The following EPHA6 variants were observed in gnomAD, a reference collection of about 807,000 sequenced individuals.
The protein encoded by EPHA6 is EPH receptor A6.
EPHA6 carries 50 observed loss-of-function variants against 112.0 expected under a neutral mutation model. The observed-to-expected ratio is 0.45, with a 90% CI of 0.36 to 0.56. EPHA6 has a LOEUF of 0.56. Among genes scored for constraint, EPHA6 ranks in the 20% least tolerant of loss-of-function variants. The pLI is 0.00. For synonymous variants in EPHA6, 529 were observed against 490.7 expected (o/e 1.08, Z -1.03); for missense variants, 1,280 against 1,417.4 (o/e 0.90, Z 1.56).
chr3:97,378,551 C>T (rs944213566), intron 5 of EPHA6, among the ~76,000 whole-genome samples: 43 of 152,246 alleles, frequency 2.8e-4, no homozygotes, highest in African/African-American at 9.9e-4. Flanking sequence ...TGCAGACACT[C>T]AATGCCAGCC....
intron 6 of EPHA6, among the ~76,000 whole-genome samples, chr3:97,423,111 T>C (rs1251355142): frequency 2.6e-5 from 4 of 152,184 alleles, no homozygotes; most frequent in Non-Finnish European, 4.4e-5. Flanking sequence ...GGATGCCTAC[T>C]CTAACCATGC....
In EPHA6 at chr3:96,856,464, A is replaced by G. The variant is rs2035705461; in HGVS notation, c.386-10361A>G. On this transcript the variant is annotated intron_variant, in intron 1 of 17. Coordinates refer to ENST00000389672, the MANE Select transcript of EPHA6 (RefSeq NM_001080448.3). The stretch of plus-strand genomic sequence containing the variant: ...GTTTATAAATCAAGTGAATCTACAG[A>G]TAGAACTATTTTTCTTTCCAAAAAA... 2.0e-5 allele frequency among the ~76,000 whole-genome samples: 3 copies of G among 152,300 alleles called. No homozygotes were observed. The South Asian group carries it at 6.2e-4, about 32-fold the overall frequency.
intron 3 of EPHA6, among the ~76,000 whole-genome samples, chr3:97,111,192 A>G (rs952979029): frequency 6.6e-6 from 1 of 152,312 alleles, no homozygotes; most frequent in East Asian, 1.9e-4. Context: ...ATTTTCAACA[A>G]CAACAGTAAT....
intron 13 of EPHA6, among the ~76,000 whole-genome samples, chr3:97,624,301 GGA>G (rs1446297010): frequency 1.3e-5 from 2 of 151,582 alleles, no homozygotes; most frequent in Non-Finnish European, 3.0e-5. Context: ...AGATCATTGT[GGA>G]GATCTTCCCC....
At chr3:97,145,123 A>G (rs999484537) in intron 3 of EPHA6, among the ~76,000 whole-genome samples, 5 of 151,494 alleles carry the variant, frequency 3.3e-5, no homozygotes, top group African/African-American at 4.8e-5. Context: ...TAGAGTAAAA[A>G]AAATCCCTTT....
At chr3:97,010,061 AC>A (rs1337082613) in intron 3 of EPHA6, 3 of 1,294,178 alleles carry the variant, frequency 2.3e-6, no homozygotes, top group Non-Finnish European at 3.0e-6. Flanking sequence ...CGAAACAGTA[AC>A]CTTTGAAGAA....
chr3:96,817,370 G>A (rs563325687), intron 1 of EPHA6, among the ~76,000 whole-genome samples: 26 of 151,662 alleles, frequency 1.7e-4, no homozygotes, highest in Non-Finnish European at 2.8e-4. Context: ...TTCCTTACTC[G>A]TAGTTTCATA....
At chr3:97,109,256 C>A (rs753126832) in intron 3 of EPHA6, among the ~76,000 whole-genome samples, 2 of 152,140 alleles carry the variant, frequency 1.3e-5, no homozygotes, top group Non-Finnish European at 2.9e-5. Flanking sequence ...CCTTGTAAAA[C>A]ATGTAAATGG....
At chr3:96,870,018 T>C (rs183046465) in intron 2 of EPHA6, among the ~76,000 whole-genome samples, 1 of 152,234 alleles carries the variant, frequency 6.6e-6, no homozygotes, top group East Asian at 1.9e-4. Context: ...TGATCTTATC[T>C]GTTGGACATA....
intron 3 of EPHA6, among the ~76,000 whole-genome samples, chr3:97,145,079 G>A (rs939890710): frequency 9.9e-5 from 15 of 151,202 alleles, no homozygotes; most frequent in African/African-American, 7.3e-5. Flanking sequence ...TTGCATATCC[G>A]TGTCTGTGTA....
chr3:97,077,441 C>T (rs986763133), intron 3 of EPHA6, among the ~76,000 whole-genome samples: 5 of 152,150 alleles, frequency 3.3e-5, no homozygotes, highest in African/African-American at 1.2e-4. Context: ...GCACAACGTG[C>T]AGGCTCATTA....
At chr3:97,351,923 G>A (rs936410353) in intron 5 of EPHA6, among the ~76,000 whole-genome samples, 10 of 152,066 alleles carry the variant, frequency 6.6e-5, no homozygotes, top group African/African-American at 2.2e-4. Context: ...ACATTTGAAA[G>A]AAATGTTTAT....
At chr3:97,322,044 G>T (rs1037043712) in intron 5 of EPHA6, among the ~76,000 whole-genome samples, 1 of 151,892 alleles carries the variant, frequency 6.6e-6, no homozygotes, top group Non-Finnish European at 1.5e-5. Context: ...AAAATTTAAC[G>T]TTGTAATTTT....
chr3:96,846,659 T>A (rs180975960), intron 1 of EPHA6, among the ~76,000 whole-genome samples: 4 of 152,214 alleles, frequency 2.6e-5, no homozygotes, highest in African/African-American at 9.6e-5. Flanking sequence ...CTAATCCATC[T>A]AGACTTCCCA....
chr3:97,006,159 T>C (rs1290696835), intron 3 of EPHA6, among the ~76,000 whole-genome samples: 1 of 152,238 alleles, frequency 6.6e-6, no homozygotes, highest in Non-Finnish European at 1.5e-5. Context: ...AGTTCCTCCT[T>C]TTCAATTGTT....
chr3:96,972,101 T>A (rs2042336099), intron 2 of EPHA6, among the ~76,000 whole-genome samples: 1 of 152,138 alleles, frequency 6.6e-6, no homozygotes, highest in African/African-American at 2.4e-5. Flanking sequence ...ACCAGTGTAA[T>A]GCTAGCTAAT....
At chr3:96,910,561 A>T (rs2107600808) in intron 2 of EPHA6, among the ~76,000 whole-genome samples, 2 of 151,978 alleles carry the variant, frequency 1.3e-5, no homozygotes, top group South Asian at 2.1e-4. Context: ...CATCAGTTAA[A>T]CCTTCTGTTT....
chr3:97,627,823 A>T (rs2093871293), intron 13 of EPHA6, among the ~76,000 whole-genome samples: 1 of 151,942 alleles, frequency 6.6e-6, no homozygotes, highest in African/African-American at 2.4e-5. Context: ...AAATTTGAAG[A>T]CCTTTTAAAA....
At chr3:97,021,190 A>G (rs1031722564) in intron 3 of EPHA6, among the ~76,000 whole-genome samples, 4 of 152,174 alleles carry the variant, frequency 2.6e-5, no homozygotes, top group African/African-American at 7.2e-5. Context: ...CTTGGACTGT[A>G]TAGCCTAACA....
Sources: gnomAD v4.1 joint callset for allele counts (sites outside exome capture counted in the v4.1 genomes callset) on GRCh38, gnomAD v4.1.1 for gene constraint, MANE v1.5 for transcripts, NCBI Gene and HGNC (gene_info 2026-07-23, HGNC 2026-07-21) for gene names.